Variants in GRM8 observed in about 807,000 individuals in gnomAD.
GRM8 encodes the protein glutamate metabotropic receptor 8.
In GRM8, 47 loss-of-function variants were observed where a neutral mutation model predicts 87.2. That is an observed-to-expected ratio of 0.54 (90% CI 0.43 to 0.69). GRM8 has a LOEUF of 0.69. Among genes scored for constraint, GRM8 ranks in the 30% least tolerant of loss-of-function variants. The pLI is 0.00. For synonymous variants in GRM8, 396 were observed against 404.5 expected (o/e 0.98, Z 0.25); for missense variants, 1,019 against 1,139.2 (o/e 0.89, Z 1.52).
At chr7:126,498,062 G>A (rs1809044013) in intron 9 of GRM8, among the ~76,000 whole-genome samples, 1 of 151,874 alleles carries the variant, frequency 6.6e-6, no homozygotes, top group Admixed American at 6.6e-5. Flanking sequence ...ATGGATTCTG[G>A]AAACTTAAGG....
chr7:126,480,369 G>A (rs562972677), intron 9 of GRM8, among the ~76,000 whole-genome samples: 2 of 151,280 alleles, frequency 1.3e-5, no homozygotes, highest in Non-Finnish European at 3.0e-5. Flanking sequence ...GGTTGACAGA[G>A]TGAGATTCTG....
intron 9 of GRM8, among the ~76,000 whole-genome samples, chr7:126,474,682 C>A (rs1805695224): frequency 1.3e-5 from 2 of 152,278 alleles, no homozygotes; most frequent in South Asian, 4.1e-4. Context: ...TACTGTGCTG[C>A]TATAGCTTTT....
intron 2 of GRM8, among the ~76,000 whole-genome samples, chr7:127,123,583 G>T (rs1272033591): frequency 6.6e-6 from 1 of 152,028 alleles, no homozygotes; most frequent in Non-Finnish European, 1.5e-5. Flanking sequence ...AAACTTTCCA[G>T]CCATCAGAAC....
At chr7:127,011,982 CTTAA>C (rs1413826135) in intron 3 of GRM8, among the ~76,000 whole-genome samples, 2 of 152,124 alleles carry the variant, frequency 1.3e-5, no homozygotes, top group Non-Finnish European at 2.9e-5. Context: ...CATTTCATAA[CTTAA>C]TTGTCACCAA....
In GRM8 at chr7:126,955,773, C is replaced by T. The variant is rs1808612846; in HGVS notation, c.728-51090G>A. ...AATGATTTTTTTCTGCATTACAGTG[C>T]TGCTTAATTGTATAGTGTTTAAAGA... On this transcript the variant is annotated intron_variant, in intron 3 of 10. Coordinates refer to ENST00000339582, the MANE Select transcript of GRM8 (RefSeq NM_000845.3). Among the ~76,000 whole-genome samples, 3 of 152,166 alleles carry T rather than the reference C, an allele frequency of 2.0e-5. 1 individual carries two copies. In the Middle Eastern group the frequency reaches 0.01, roughly 518 times the overall value.
At chr7:127,059,331 C>CTTTTTT (rs10618329) in intron 3 of GRM8, among the ~76,000 whole-genome samples, 9 of 130,592 alleles carry the variant, frequency 6.9e-5, no homozygotes, top group Non-Finnish European at 1.1e-4. Flanking sequence ...TTTTTTTTTG[C>CTTTTTT]TTTTTTTTTT....
At chr7:126,716,177 C>CTT (rs763090501) in intron 7 of GRM8, among the ~76,000 whole-genome samples, 2 of 151,756 alleles carry the variant, frequency 1.3e-5, no homozygotes, top group Admixed American at 6.6e-5. Context: ...TGAATAAACA[C>CTT]TTTTTTTTCT....
intron 3 of GRM8, among the ~76,000 whole-genome samples, chr7:126,933,343 A>G (rs1431044095): frequency 6.6e-6 from 1 of 152,244 alleles, no homozygotes; most frequent in African/African-American, 2.4e-5. Flanking sequence ...AAGAGTTAAG[A>G]ACATAGATTA....
chr7:126,904,480 G>C, intron 4 of GRM8, 68 bp downstream of exon 4: 1 of 1,431,630 alleles, frequency 7.0e-7, no homozygotes, highest in Non-Finnish European at 9.7e-7. Context: ...TGTTGAACAT[G>C]AAATATGTTA....
chr7:126,880,547 A>C (rs1304095442), intron 6 of GRM8, among the ~76,000 whole-genome samples: 1 of 152,210 alleles, frequency 6.6e-6, no homozygotes, highest in African/African-American at 2.4e-5. Context: ...CTTAATTCCA[A>C]ATTTAGCTTC....
chr7:126,560,998 A>C (rs1187863525), intron 8 of GRM8, among the ~76,000 whole-genome samples: 2 of 152,210 alleles, frequency 1.3e-5, no homozygotes, highest in Non-Finnish European at 2.9e-5. Flanking sequence ...CTTTTATCTA[A>C]GACTTGATTA....
At chr7:126,761,055 C>G (rs151241030) in intron 7 of GRM8, among the ~76,000 whole-genome samples, 1 of 151,920 alleles carries the variant, frequency 6.6e-6, no homozygotes, top group Non-Finnish European at 1.5e-5. Flanking sequence ...AAAAATTAGC[C>G]GGCTTGGCGG....
chr7:126,700,034 T>C (rs1357401559), intron 7 of GRM8, among the ~76,000 whole-genome samples: 1 of 152,108 alleles, frequency 6.6e-6, no homozygotes, highest in East Asian at 1.9e-4. Context: ...TACAATTAGA[T>C]AGAAGAAAAC....
At chr7:127,063,039 T>C (rs1164267835) in intron 3 of GRM8, among the ~76,000 whole-genome samples, 2 of 150,856 alleles carry the variant, frequency 1.3e-5, no homozygotes, top group African/African-American at 4.9e-5. Context: ...GATCACAAAG[T>C]CAGGAGATCA....
chr7:126,825,221 C>A (rs1186369324), intron 6 of GRM8, among the ~76,000 whole-genome samples: 1 of 152,042 alleles, frequency 6.6e-6, no homozygotes, highest in Non-Finnish European at 1.5e-5. Flanking sequence ...TGCACACCAC[C>A]ATGCCTGGCT....
chr7:126,701,552 C>G (rs930197617), intron 7 of GRM8, among the ~76,000 whole-genome samples: 2 of 152,132 alleles, frequency 1.3e-5, no homozygotes, highest in African/African-American at 4.8e-5. Context: ...TTCTAGTAAA[C>G]TCTCCCAGTG....
chr7:127,047,390 G>C (rs1219034632), intron 3 of GRM8, among the ~76,000 whole-genome samples: 2 of 152,052 alleles, frequency 1.3e-5, no homozygotes, highest in Non-Finnish European at 2.9e-5. Flanking sequence ...AGGCCAAAGA[G>C]TTTTAAGTTT....
intron 9 of GRM8, among the ~76,000 whole-genome samples, chr7:126,474,250 ATGTG>A (rs149228365): frequency 1.3e-5 from 2 of 148,992 alleles, no homozygotes; most frequent in Non-Finnish European, 3.0e-5. Context: ...ATGTTTGTGC[ATGTG>A]TGTGTGTGTG....
chr7:126,532,655 G>A (rs925416277), intron 9 of GRM8, among the ~76,000 whole-genome samples: 4 of 151,468 alleles, frequency 2.6e-5, no homozygotes, highest in Admixed American at 2.0e-4. Flanking sequence ...AAAGTGATGT[G>A]AGCTTTGTCA....
Sources: gnomAD v4.1 joint callset for allele counts (sites outside exome capture counted in the v4.1 genomes callset) on GRCh38, gnomAD v4.1.1 for gene constraint, MANE v1.5 for transcripts, NCBI Gene and HGNC (gene_info 2026-07-23, HGNC 2026-07-21) for gene names.